The following CNTNAP5 variants were observed in gnomAD, a reference collection of about 807,000 sequenced individuals.
The protein encoded by CNTNAP5 is contactin associated protein family member 5.
Under a neutral mutation model 150.2 loss-of-function variants are expected in CNTNAP5, and 72 were observed. The observed-to-expected ratio is 0.48, with a 90% CI of 0.40 to 0.58. The LOEUF (loss-of-function observed/expected upper bound fraction) is 0.58, where lower values mean the gene tolerates loss of function less well. CNTNAP5 is among the 20% of genes least tolerant of loss of function. The pLI, the probability that CNTNAP5 is intolerant of heterozygous loss-of-function variation, is 0.00. For synonymous variants in CNTNAP5, 672 were observed against 619.8 expected, an observed-to-expected ratio of 1.08 and a Z score of -1.25; for missense variants, 1,636 against 1,626.2, an observed-to-expected ratio of 1.01 and a Z score of -0.10.
In CNTNAP5 at chr2:124,914,079, C is replaced by G. The variant is rs745846922; in HGVS notation, c.3728-13C>G. 2 of 1,598,282 alleles carry G rather than the reference C, an allele frequency of 1.3e-6. No homozygotes were observed. The highest frequency in any genetic ancestry group is 1.3e-5 in the African/African-American group (1 of 74,458). ...ACGATTTCCTTCTCTCTTTCCTTCC[C>G]CTTTCTCTCCAGGGGTGATAGCAGT... On this transcript the variant is annotated splice_polypyrimidine_tract_variant and intron_variant, in intron 23 of 23. Coordinates refer to ENST00000682447, the MANE Select transcript of CNTNAP5 (RefSeq NM_001367498.1).
At chr2:124,195,141 C>G (rs1457112238) in intron 1 of CNTNAP5, among the ~76,000 whole-genome samples, 1 of 152,158 alleles carries the variant, frequency 6.6e-6, no homozygotes, top group Admixed American at 6.5e-5. Context: ...TGAGAATTCA[C>G]TGAACATTTA....
intron 2 of CNTNAP5, 23 bp from the exon 3 acceptor site, chr2:124,242,177 C>T (rs1480579216): frequency 6.4e-7 from 1 of 1,553,002 alleles, no homozygotes. Context: ...AACTCTCTCT[C>T]ACTCTCTCTG....
intron 3 of CNTNAP5, among the ~76,000 whole-genome samples, chr2:124,292,100 T>C (rs901079195): frequency 6.6e-6 from 1 of 152,150 alleles, no homozygotes; most frequent in Non-Finnish European, 1.5e-5. Flanking sequence ...GTTTTAGGCA[T>C]GCTACAGTGC....
At chr2:124,578,614 C>CT (rs1696347015) in intron 11 of CNTNAP5, among the ~76,000 whole-genome samples, 1 of 151,782 alleles carries the variant, frequency 6.6e-6, no homozygotes, top group African/African-American at 2.4e-5. Flanking sequence ...CTACCGAAAA[C>CT]TAAAAAAATT....
chr2:124,088,453 G>A (rs1383528740), intron 1 of CNTNAP5, among the ~76,000 whole-genome samples: 1 of 151,604 alleles, frequency 6.6e-6, no homozygotes, highest in East Asian at 1.9e-4. Context: ...TGCATTTATT[G>A]TTTTTGTCAT....
chr2:124,100,420 GA>G (rs1467983967), intron 1 of CNTNAP5, among the ~76,000 whole-genome samples: 1 of 151,982 alleles, frequency 6.6e-6, no homozygotes, highest in Non-Finnish European at 1.5e-5. Flanking sequence ...TATGAGCTCA[GA>G]AAAATAAAGT....
At chr2:124,660,839 G>A (rs560838001) in intron 13 of CNTNAP5, among the ~76,000 whole-genome samples, 47 of 151,468 alleles carry the variant, frequency 3.1e-4, no homozygotes, top group African/African-American at 1.1e-3. Context: ...AGCTACTAAG[G>A]AGGCTGAGGC....
chr2:124,141,016 A>T (rs1033420097), intron 1 of CNTNAP5, among the ~76,000 whole-genome samples: 1 of 51,908 alleles, frequency 1.9e-5, no homozygotes, highest in Admixed American at 3.1e-4. Flanking sequence ...AGCCGATGCG[A>T]TCAACTGGAA....
At chr2:124,760,602 T>A (rs1166898601) in intron 14 of CNTNAP5, among the ~76,000 whole-genome samples, 1 of 152,158 alleles carries the variant, frequency 6.6e-6, no homozygotes, top group Non-Finnish European at 1.5e-5. Flanking sequence ...ATGCGTTTTA[T>A]TATTTTTGGT....
intron 3 of CNTNAP5, among the ~76,000 whole-genome samples, chr2:124,325,887 C>G (rs1047055603): frequency 6.6e-6 from 1 of 152,122 alleles, no homozygotes; most frequent in African/African-American, 2.4e-5. Flanking sequence ...TTGCTGGGCC[C>G]CATTCTACTT....
intron 10 of CNTNAP5, among the ~76,000 whole-genome samples, chr2:124,544,897 C>A (rs1695477916): frequency 6.6e-6 from 1 of 152,200 alleles, no homozygotes; most frequent in African/African-American, 2.4e-5. Flanking sequence ...TGGTCACTAT[C>A]TGTCATGGAG....
chr2:124,254,723 C>T (rs945650937), intron 3 of CNTNAP5, among the ~76,000 whole-genome samples: 2 of 152,152 alleles, frequency 1.3e-5, no homozygotes, highest in Non-Finnish European at 2.9e-5. Flanking sequence ...TTGATGGAGG[C>T]CCAGAATCTC....
At chr2:124,745,462 C>G (rs1192102645) in intron 13 of CNTNAP5, among the ~76,000 whole-genome samples, 11 of 152,070 alleles carry the variant, frequency 7.2e-5, no homozygotes, top group Non-Finnish European at 1.3e-4. Flanking sequence ...GCTGTGATGA[C>G]CCACCTAAGC....
intron 17 of CNTNAP5, among the ~76,000 whole-genome samples, chr2:124,773,943 TGTGTGAGAGA>T (rs776047003): frequency 2.9e-4 from 34 of 116,658 alleles, no homozygotes; most frequent in African/African-American, 1.0e-3. Context: ...TGTGTGTGTG[TGTGTGAGAGA>T]GAGAGAGAGA....
chr2:124,473,607 A>G (rs1239958157), intron 6 of CNTNAP5, among the ~76,000 whole-genome samples: 2 of 151,984 alleles, frequency 1.3e-5, no homozygotes, highest in East Asian at 1.9e-4. Context: ...CATCCTCCTG[A>G]AACATTAAGA....
intron 1 of CNTNAP5, among the ~76,000 whole-genome samples, chr2:124,054,080 C>T (rs561390055): frequency 2.6e-4 from 39 of 152,198 alleles, no homozygotes; most frequent in African/African-American, 7.7e-4. Flanking sequence ...AGACAAGGAT[C>T]GACTTATCAC....
At chr2:124,195,203 G>A (rs1282842198) in intron 1 of CNTNAP5, among the ~76,000 whole-genome samples, 1 of 152,200 alleles carries the variant, frequency 6.6e-6, no homozygotes, top group African/African-American at 2.4e-5. Flanking sequence ...GTATGGCCGG[G>A]TGTGGCCAAG....
intron 1 of CNTNAP5, among the ~76,000 whole-genome samples, chr2:124,170,758 T>C (rs1684911091): frequency 6.6e-6 from 1 of 151,612 alleles, no homozygotes; most frequent in Admixed American, 6.6e-5. Flanking sequence ...GAAAAATGAT[T>C]GGTGAAAAGA....
intron 20 of CNTNAP5, among the ~76,000 whole-genome samples, chr2:124,865,733 C>T (rs1448489068): frequency 3.3e-5 from 5 of 152,070 alleles, no homozygotes; most frequent in African/African-American, 1.2e-4. Context: ...ATCAAGAGGT[C>T]AGGAGTTCGA....
Sources: gnomAD v4.1 joint callset for allele counts (sites outside exome capture counted in the v4.1 genomes callset) on GRCh38, gnomAD v4.1.1 for gene constraint, MANE v1.5 for transcripts, NCBI Gene and HGNC (gene_info 2026-07-23, HGNC 2026-07-21) for gene names.